The following L3MBTL1 variants were observed in gnomAD, a reference collection of about 807,000 sequenced individuals.
L3MBTL1 encodes the protein L3MBTL histone methyl-lysine binding protein 1, also known as lethal(3)malignant brain tumor-like protein 1.
L3MBTL1 carries 75 observed loss-of-function variants against 105.3 expected under a neutral mutation model. The ratio of observed to expected loss-of-function variants is 0.71; its 90% CI spans 0.59 to 0.86. L3MBTL1 has a LOEUF of 0.86. Ranked by LOEUF, L3MBTL1 falls within the 40% of genes least tolerant of loss-of-function variation. The probability of loss-of-function intolerance (pLI) is 0.00; values close to 1 mark genes in which losing one functional copy is unlikely to be tolerated. For missense variants in L3MBTL1, 1,069 were observed against 1,126.4 expected, an observed-to-expected ratio of 0.95 and a Z score of 0.73; for synonymous variants, 452 against 436.2, an observed-to-expected ratio of 1.04 and a Z score of -0.45.
At position 43,512,487 on chromosome 20, in the gene L3MBTL1, A is replaced by G. The variant is rs529654637; in HGVS notation, c.-28-989A>G. ...CAGTCTCCAGAGAACTTGGGACTAC[A>G]GGCATGCACCACTGTACCTACCTTC... is the stretch of plus-strand genomic sequence containing the variant. On this transcript the variant is annotated intron_variant, in intron 1 of 21. Transcript: ENST00000418998. Among the ~76,000 whole-genome samples, 206 of 152,376 alleles carry G rather than the reference A, an allele frequency of 1.4e-3. 1 individual carries two copies. Among genetic ancestry groups the G allele is most frequent in the African/African-American group, 4.5e-3 (187 of 41,590 alleles).
chr20:43,510,718 AT>A (rs879805595), intron 1 of L3MBTL1, among the ~76,000 whole-genome samples: 34 of 145,066 alleles, frequency 2.3e-4, no homozygotes, highest in Admixed American at 3.5e-4. Context: ...CGCCCAGCTA[AT>A]TTTTTTTTTT....
intron 16 of L3MBTL1, 43 bp from the exon 17 acceptor site, chr20:43,535,794 C>T (rs914247293): frequency 1.5e-6 from 2 of 1,334,088 alleles, no homozygotes; most frequent in Non-Finnish European, 2.1e-6. Flanking sequence ...ACACTCCCCA[C>T]CCCCAGGACT....
At position 43,536,592 on chromosome 20, in the gene L3MBTL1, T is replaced by C. The variant is rs1241288569; in HGVS notation, c.2173+134T>C. 1.3e-5 allele frequency: 13 copies of C among 1,023,424 alleles called. No homozygotes were observed. The African/African-American group carries it at 1.7e-4, about 14-fold the overall frequency. The allele number at this position is 1,023,424 out of a possible 1,614,324, so 63.4% of individuals were successfully genotyped here. A position where few individuals can be genotyped will look rare whatever the true frequency, so the allele number is the denominator to read the frequency against. On this transcript the variant is annotated intron_variant, in intron 19 of 21. Coordinates refer to ENST00000418998, the MANE Select transcript of L3MBTL1 (RefSeq NM_001377303.1). ...GAGGGCTGTGCCTCTTCGTTTGAGA[T>C]ACTGAGAGCACAGAGCAGTGGCAAA... is the stretch of plus-strand genomic sequence containing the variant.
In L3MBTL1 at chr20:43,541,018, C is replaced by T; in HGVS notation, c.2479C>T (p.His827Tyr). 1.9e-6 allele frequency: 3 copies of T among 1,614,168 alleles called. No homozygotes were observed. The East Asian group carries it at 6.7e-5, about 36-fold the overall frequency. Residue 827 changes from histidine to tyrosine, a missense_variant, in exon 22 of 22, where the codon CAT (histidine) becomes TAT (tyrosine). His to Tyr is a moderately conservative substitution (Grantham distance 83). Coordinates refer to ENST00000418998, the MANE Select transcript of L3MBTL1 (RefSeq NM_001377303.1). ...AQLGDLVCSDHLQEGKGILET... is the reference protein window; with the variant it reads ...AQLGDLVCSDYLQEGKGILET... ...GCTTGGGGACCTTGTGTGCTCAGAT[C>T]ATCTTCAGGAAGGAAAAGGCATCCT...
intron 3 of L3MBTL1, chr20:43,514,356 G>A (rs2018243478): frequency 5.5e-6 from 7 of 1,281,008 alleles, no homozygotes; most frequent in South Asian, 4.7e-5. Flanking sequence ...GTTTGGGGGC[G>A]TGGCTTAGAG....
At chr20:43,519,050 A>C (rs2018566332) in intron 7 of L3MBTL1, among the ~76,000 whole-genome samples, 2 of 150,758 alleles carry the variant, frequency 1.3e-5, no homozygotes, top group Non-Finnish European at 3.0e-5. Context: ...GAAAAAAAAG[A>C]ATACACTTTA....
At chr20:43,510,406 CTT>C (rs11476429) in intron 1 of L3MBTL1, among the ~76,000 whole-genome samples, 38 of 127,544 alleles carry the variant, frequency 3.0e-4, no homozygotes, top group East Asian at 4.7e-4. Context: ...TTCTTTCTTT[CTT>C]TTTTTTTTTT....
intron 7 of L3MBTL1, among the ~76,000 whole-genome samples, chr20:43,518,115 T>C (rs1201534452): frequency 1.3e-5 from 2 of 151,946 alleles, no homozygotes; most frequent in Non-Finnish European, 2.9e-5. Flanking sequence ...ACTCACTGTC[T>C]CAACTGTGAA....
In L3MBTL1 at chr20:43,540,778, C is replaced by G. The variant is rs377597708; in HGVS notation, c.2357C>G (p.Thr786Arg). The change falls in exon 21 of 22, where the codon ACA becomes AGA. Residue 786 changes from threonine (T) to arginine (R), a missense_variant. Physicochemically the swap from Thr to Arg is moderately conservative, Grantham distance 71. Coordinates refer to ENST00000418998, the MANE Select transcript of L3MBTL1 (RefSeq NM_001377303.1). ...DEVFGFVQTL[T>R]GCEDQARLFK... ...GTCTTCGGCTTTGTTCAGACCCTGACAGGTTGTGAGGACCAAGCACGCCTC... is the reference window on the plus strand; with the variant it reads ...GTCTTCGGCTTTGTTCAGACCCTGAGAGGTTGTGAGGACCAAGCACGCCTC... The G allele has an allele frequency of 3.8e-5, 62 of 1,614,114 alleles. 1 individual carries two copies. Among genetic ancestry groups the G allele is most frequent in the Non-Finnish European group, 4.6e-5 (54 of 1,180,052 alleles).
In L3MBTL1 at chr20:43,517,017, G is replaced by A. The variant is rs186839533; in HGVS notation, c.862+840G>A. Reference sequence around the variant, plus strand: ...TTACTTTGTTGCTCAGGCTGGTCTCGAACTCCTGGGCTCAAGCAGTCCTCC... The same window carrying A: ...TTACTTTGTTGCTCAGGCTGGTCTCAAACTCCTGGGCTCAAGCAGTCCTCC... On this transcript the variant is annotated intron_variant, in intron 7 of 21. Coordinates refer to ENST00000418998, the MANE Select transcript of L3MBTL1 (RefSeq NM_001377303.1). 2.5e-3 allele frequency among the ~76,000 whole-genome samples: 386 copies of A among 151,756 alleles called. 2 individuals are homozygous for A. The highest frequency in any genetic ancestry group is 9.1e-3 in the African/African-American group (377 of 41,386).
At chr20:43,538,255 A>C (rs975741887) in intron 19 of L3MBTL1, among the ~76,000 whole-genome samples, 1 of 152,202 alleles carries the variant, frequency 6.6e-6, no homozygotes, top group Non-Finnish European at 1.5e-5. Context: ...TGCAGGACCA[A>C]GTTCTGACCA....
At chr20:43,510,144 C>A (rs1055528949) in intron 1 of L3MBTL1, among the ~76,000 whole-genome samples, 4 of 152,120 alleles carry the variant, frequency 2.6e-5, no homozygotes, top group African/African-American at 9.7e-5. Flanking sequence ...TGTGAGCCAC[C>A]ACGCATGGCC....
At chr20:43,514,422 C>T (rs2018246967) in intron 3 of L3MBTL1, 2 of 1,456,966 alleles carry the variant, frequency 1.4e-6, no homozygotes, top group Admixed American at 2.5e-5. Context: ...TAGAGTGGGG[C>T]ACCCTGGGAC....
chr20:43,535,990 T>C, intron 17 of L3MBTL1, 54 bp downstream of exon 17: 1 of 1,586,748 alleles, frequency 6.3e-7, no homozygotes. Context: ...ACTTACTGCA[T>C]GCAGGCGACT....
chr20:43,518,022 A>G (rs895143667), intron 7 of L3MBTL1, among the ~76,000 whole-genome samples: 4 of 152,220 alleles, frequency 2.6e-5, no homozygotes, highest in Admixed American at 2.6e-4. Flanking sequence ...CAACTACTGT[A>G]TCTTACTTAG....
intron 7 of L3MBTL1, among the ~76,000 whole-genome samples, chr20:43,521,167 A>G (rs1019006848): frequency 1.3e-5 from 2 of 152,230 alleles, no homozygotes; most frequent in African/African-American, 4.8e-5. Context: ...CATGCTCTAT[A>G]GGAGAGGCAA....
Position 43,541,706 on chromosome 20 carries a change from C to A in L3MBTL1, c.*578C>A. On this transcript the variant is annotated 3_prime_UTR_variant, in exon 22 of 22. Transcript: ENST00000418998. Reference sequence around the variant, plus strand: ...ATGTATCAGGTTTCTGTATATGTTCCACTATAATCTTATGGGACCATGGTT... The same window carrying A: ...ATGTATCAGGTTTCTGTATATGTTCAACTATAATCTTATGGGACCATGGTT... The A allele has an allele frequency of 1.7e-6, 1 of 593,524 alleles. No individual in the cohort carries two copies. The highest frequency in any genetic ancestry group is 7.2e-5 in the South Asian group (1 of 13,836). The allele number at this position is 593,524 out of a possible 1,614,324, so 36.8% of individuals were successfully genotyped here. A position where few individuals can be genotyped will look rare whatever the true frequency, so the allele number is the denominator to read the frequency against.
chr20:43,514,532 GGC>G (rs2018255368), intron 3 of L3MBTL1, 101 bp from the exon 4 acceptor site: 1 of 1,574,986 alleles, frequency 6.3e-7, no homozygotes, highest in African/African-American at 1.3e-5. Flanking sequence ...GCCTGCTGAG[GGC>G]GTGAGCTGGC....
At chr20:43,528,868 G>A (rs2019174054) in intron 8 of L3MBTL1, 123 bp downstream of exon 8, 1 of 771,776 alleles carries the variant, frequency 1.3e-6, no homozygotes, top group South Asian at 1.5e-5. Context: ...AGAATGGAAA[G>A]GGAGAGACTG....
Sources: gnomAD v4.1 joint callset for allele counts (sites outside exome capture counted in the v4.1 genomes callset) on GRCh38, gnomAD v4.1.1 for gene constraint, MANE v1.5 for transcripts, NCBI Gene and HGNC (gene_info 2026-07-23, HGNC 2026-07-21) for gene names.